The following UMAD1 variants were observed in gnomAD, a reference collection of about 807,000 sequenced individuals.
The protein encoded by UMAD1 is UBAP1-MVB12-associated (UMA) domain containing 1, also known as UBAP1-MVB12-associated (UMA)-domain containing protein 1.
Under a neutral mutation model 6.1 loss-of-function variants are expected in UMAD1, and 8 were observed. That is an observed-to-expected ratio of 1.30 (90% CI 0.76 to 2.35). UMAD1 has a LOEUF of 2.35. Among genes scored for constraint, UMAD1 ranks in the 30% most tolerant of loss-of-function variants. The pLI is 0.00. For synonymous variants in UMAD1, 56 were observed against 31.4 expected, an observed-to-expected ratio of 1.78 and a Z score of -2.61; for missense variants, 130 against 78.4, an observed-to-expected ratio of 1.66 and a Z score of -2.49.
chr7:7,839,512 A>C (rs912564122), intron 3 of UMAD1, among the ~76,000 whole-genome samples: 1 of 151,888 alleles, frequency 6.6e-6, no homozygotes, highest in African/African-American at 2.4e-5. Context: ...GAGCCTTTTT[A>C]CTCTTGCTGT....
intron 2 of UMAD1, among the ~76,000 whole-genome samples, chr7:7,800,853 C>G (rs956033181): frequency 1.3e-5 from 2 of 152,194 alleles, no homozygotes; most frequent in Admixed American, 6.5e-5. Flanking sequence ...TGGTAATCTT[C>G]CCTGCTGTGG....
intron 2 of UMAD1, among the ~76,000 whole-genome samples, chr7:7,702,425 C>A (rs2881961): frequency 0.39 from 58,629 of 151,900 alleles, 11,631 homozygotes; most frequent in Middle Eastern, 0.47. Flanking sequence ...AGTCTATGGA[C>A]TATAATACGA....
intron 2 of UMAD1, among the ~76,000 whole-genome samples, chr7:7,717,405 T>TG (rs1258916525): frequency 3.3e-5 from 5 of 152,236 alleles, no homozygotes; most frequent in Non-Finnish European, 7.3e-5. Flanking sequence ...TCACTCCTTG[T>TG]GTGTCCTCGT....
chr7:7,849,649 A>T lies in UMAD1; in HGVS notation c.157-27632A>T, dbSNP rs1274641273. ...ATACTGCACATACAACAGAGTGGAC[A>T]GGGACCCTGCCTCATGGAGTTTACC... On this transcript the variant is annotated intron_variant, in intron 3 of 3. Transcript: ENST00000682710. Among the ~76,000 whole-genome samples, 4 of 152,308 alleles carry T rather than the reference A, an allele frequency of 2.6e-5. No individual in the cohort carries two copies. In the East Asian group the frequency reaches 7.7e-4, roughly 29 times the overall value.
chr7:7,684,766 C>G (rs1780000855), intron 2 of UMAD1, among the ~76,000 whole-genome samples: 1 of 152,178 alleles, frequency 6.6e-6, no homozygotes, highest in Admixed American at 6.5e-5. Flanking sequence ...CACCCGTAAA[C>G]TTTTCAAACC....
chr7:7,755,348 A>G (rs1401707106), intron 2 of UMAD1, among the ~76,000 whole-genome samples: 3 of 152,206 alleles, frequency 2.0e-5, no homozygotes, highest in Admixed American at 2.0e-4. Context: ...TGTTAACTGT[A>G]GTAAAAAATG....
chr7:7,810,464 G>T (rs547204430), intron 3 of UMAD1, among the ~76,000 whole-genome samples: 1 of 152,030 alleles, frequency 6.6e-6, no homozygotes, highest in East Asian at 1.9e-4. Context: ...CACTGATGAT[G>T]AGTTTTCAAT....
chr7:7,826,372 A>G (rs760003364), intron 3 of UMAD1, among the ~76,000 whole-genome samples: 4 of 152,110 alleles, frequency 2.6e-5, no homozygotes, highest in Non-Finnish European at 5.9e-5. Context: ...ATTCTCTAGT[A>G]TCTAGTACTA....
At chr7:7,776,338 T>A (rs1464387999) in intron 2 of UMAD1, among the ~76,000 whole-genome samples, 1 of 152,180 alleles carries the variant, frequency 6.6e-6, no homozygotes, top group Non-Finnish European at 1.5e-5. Context: ...ATATGGGGAA[T>A]GAGAGTGCAA....
intron 2 of UMAD1, among the ~76,000 whole-genome samples, chr7:7,726,521 G>A (rs1481439916): frequency 6.6e-6 from 1 of 152,218 alleles, no homozygotes; most frequent in Non-Finnish European, 1.5e-5. Context: ...TGTATGCTCT[G>A]AATCAGTGTC....
At position 7,878,167 on chromosome 7, in the gene UMAD1, C is replaced by T. The variant is rs1024783720; in HGVS notation, c.*629C>T. Reference sequence around the variant, plus strand: ...TGAAACCCATGGCAGCCCTTTCCATCGTGAATAATCGTTGTGTTCCCACCT... The same window carrying T: ...TGAAACCCATGGCAGCCCTTTCCATTGTGAATAATCGTTGTGTTCCCACCT... On this transcript the variant is annotated 3_prime_UTR_variant, in exon 4 of 4. Transcript: ENST00000682710. 2 of 152,514 alleles carry T rather than the reference C, an allele frequency of 1.3e-5. No homozygotes were observed. The highest frequency in any genetic ancestry group is 1.5e-5 in the Non-Finnish European group (1 of 68,314). The allele number at this position is 152,514 out of a possible 1,614,324, so 9.4% of individuals were successfully genotyped here.
At chr7:7,809,049 TAATG>T (rs1292910222) in intron 3 of UMAD1, among the ~76,000 whole-genome samples, 4 of 152,122 alleles carry the variant, frequency 2.6e-5, no homozygotes, top group African/African-American at 7.2e-5. Flanking sequence ...ATAAATTTCT[TAATG>T]AAGAGGTAAA....
chr7:7,793,750 T>C (rs998156727), intron 2 of UMAD1, among the ~76,000 whole-genome samples: 2 of 152,164 alleles, frequency 1.3e-5, no homozygotes, highest in Non-Finnish European at 2.9e-5. Context: ...TTGTCTAAAA[T>C]GAATGTCCAA....
intron 2 of UMAD1, among the ~76,000 whole-genome samples, chr7:7,733,469 C>G (rs1405919705): frequency 6.6e-6 from 1 of 151,478 alleles, no homozygotes; most frequent in African/African-American, 2.4e-5. Flanking sequence ...CAATTCCGTA[C>G]ATTATAATTG....
intron 2 of UMAD1, among the ~76,000 whole-genome samples, chr7:7,777,420 C>A (rs1052733728): frequency 2.7e-5 from 4 of 150,008 alleles, no homozygotes; most frequent in African/African-American, 9.9e-5. Context: ...GCAGGAGAAT[C>A]GCCTGAACCC....
At chr7:7,751,458 C>A (rs1781676355) in intron 2 of UMAD1, among the ~76,000 whole-genome samples, 1 of 152,164 alleles carries the variant, frequency 6.6e-6, no homozygotes, top group Admixed American at 6.5e-5. Context: ...CTGTGTGAAT[C>A]TCAATTTTGG....
At chr7:7,819,923 G>C (rs372014659) in intron 3 of UMAD1, among the ~76,000 whole-genome samples, 2 of 152,216 alleles carry the variant, frequency 1.3e-5, no homozygotes, top group African/African-American at 4.8e-5. Context: ...AAATGTATGG[G>C]TTATTACTCT....
intron 3 of UMAD1, among the ~76,000 whole-genome samples, chr7:7,874,286 T>C (rs1784378671): frequency 6.6e-6 from 1 of 152,216 alleles, no homozygotes; most frequent in Non-Finnish European, 1.5e-5. Context: ...TAATCTGTCA[T>C]TCCCAGCTAT....
At chr7:7,782,734 C>CTTTT (rs777169882) in intron 2 of UMAD1, among the ~76,000 whole-genome samples, 5 of 127,150 alleles carry the variant, frequency 3.9e-5, no homozygotes, top group African/African-American at 6.3e-5. Context: ...TAACCTCTCT[C>CTTTT]TTTTTTTTTT....
Sources: gnomAD v4.1 joint callset for allele counts (sites outside exome capture counted in the v4.1 genomes callset) on GRCh38, gnomAD v4.1.1 for gene constraint, MANE v1.5 for transcripts, NCBI Gene and HGNC (gene_info 2026-07-23, HGNC 2026-07-21) for gene names.